The following TIMM21 variants were observed in gnomAD, a reference collection of about 807,000 sequenced individuals.
The protein encoded by TIMM21 is mitochondrial import inner membrane translocase subunit Tim21.
A neutral mutation model predicts 27.7 loss-of-function variants in TIMM21; 30 were observed. The ratio of observed to expected loss-of-function variants is 1.08; its 90% CI spans 0.81 to 1.47. The LOEUF (loss-of-function observed/expected upper bound fraction) is 1.47, where lower values mean the gene tolerates loss of function less well. TIMM21 is among the 40% of genes most tolerant of loss of function. The pLI is 0.00. For synonymous variants in TIMM21, 121 were observed against 114.4 expected, an observed-to-expected ratio of 1.06 and a Z score of -0.37; for missense variants, 292 against 302.9, an observed-to-expected ratio of 0.96 and a Z score of 0.27.
At chr18:74,157,667 C>T (rs188964613) in intron 3 of TIMM21, 131 of 191,026 alleles carry the variant, frequency 6.9e-4, no homozygotes, top group African/African-American at 2.3e-3. Flanking sequence ...ACGATCTTGG[C>T]TCACTGCAGC....
At chr18:74,155,525 A>G (rs1241582144) in intron 3 of TIMM21, 122 bp downstream of exon 3, 3 of 771,460 alleles carry the variant, frequency 3.9e-6, no homozygotes, top group Non-Finnish European at 6.3e-6. Context: ...ATAATACATA[A>G]TGGTCGAGTC....
At chr18:74,157,661 T>G in intron 3 of TIMM21, 1 of 188,728 alleles carries the variant, frequency 5.3e-6, no homozygotes, top group Admixed American at 5.5e-5. Flanking sequence ...AGTGGCACGA[T>G]CTTGGCTCAC....
chr18:74,155,022 C>A, intron 1 of TIMM21, 123 bp from the exon 2 acceptor site: 1 of 865,274 alleles, frequency 1.2e-6, no homozygotes, highest in Non-Finnish European at 1.9e-6. Context: ...TGCCCCTGAA[C>A]ACACACAGAC....
Position 74,148,807 on chromosome 18 carries a change from A to G in TIMM21, c.-2A>G. On this transcript the variant is annotated 5_prime_UTR_variant, in exon 1 of 6. Coordinates refer to ENST00000169551, the MANE Select transcript of TIMM21 (RefSeq NM_014177.3). ...CCCTAAGCGGAACGATTTTCCGTGAACATGATTTGTACTTTTCTACGAGCC... is the reference window on the plus strand; with the variant it reads ...CCCTAAGCGGAACGATTTTCCGTGAGCATGATTTGTACTTTTCTACGAGCC... The G allele has an allele frequency of 1.3e-6, 2 of 1,599,620 alleles. No homozygotes were observed. The highest frequency in any genetic ancestry group is 1.7e-6 in the Non-Finnish European group (2 of 1,168,132).
rs1980051766 is a variant in TIMM21 at position 74,159,662 on chromosome 18, A to T, written c.*1182A>T. 6.6e-6 allele frequency: 1 copy of T among 152,316 alleles called. No homozygotes were observed. The highest frequency in any genetic ancestry group is 6.5e-5 in the Admixed American group (1 of 15,294). The allele number at this position is 152,316 out of a possible 1,614,324, so 9.4% of individuals were successfully genotyped here. ...TAAAAATTTCCAACATTTAAGGAGT[A>T]TAGAAAATATAACAGACACTCGTCT... On this transcript the variant is annotated 3_prime_UTR_variant, in exon 6 of 6. Coordinates refer to ENST00000169551, the MANE Select transcript of TIMM21 (RefSeq NM_014177.3).
chr18:74,156,125 A>C (rs1979944610), intron 3 of TIMM21: 1 of 396,076 alleles, frequency 2.5e-6, no homozygotes, highest in Non-Finnish European at 4.4e-6. Flanking sequence ...CAGATTTCTT[A>C]CTCCCTGCTG....
In TIMM21 at chr18:74,158,386, G is replaced by T. The variant is rs769581821; in HGVS notation, c.653G>T (p.Ser218Ile). 53 of 1,607,896 alleles carry T rather than the reference G, an allele frequency of 3.3e-5. No individual in the cohort carries two copies. Among genetic ancestry groups the T allele is most frequent in the Non-Finnish European group, 4.3e-5 (51 of 1,176,162 alleles). Residue 218 changes from serine (S) to isoleucine (I), a missense_variant, in exon 6 of 6, where the codon AGT becomes ATT. Transcript: ENST00000169551. ...CTACATTTTTTTCAGAACCCAGGAA[G>T]TGGTGAATATGATTTTCGATATATA... Reference protein sequence around the residue: ...VYAQVKENPGSGEYDFRYIFV... With the variant: ...VYAQVKENPGIGEYDFRYIFV...
intron 3 of TIMM21, chr18:74,156,120 T>G (rs1979944445): frequency 2.5e-6 from 1 of 395,878 alleles, no homozygotes. Context: ...AGTGTCAGAT[T>G]TCTTACTCCC....
rs748016397 is a variant in TIMM21, at chr18:74,160,318, CAAAAA to C, written c.*1846_*1850del. On this transcript the variant is annotated 3_prime_UTR_variant, in exon 6 of 6. Coordinates refer to ENST00000169551, the MANE Select transcript of TIMM21 (RefSeq NM_014177.3). Reference sequence around the variant, plus strand: ...TGAGTGACGGAGTGTGACTTCGTCTCAAAAAAAAAAAACAAAAAACAGATCTGAGC... The same window carrying C: ...TGAGTGACGGAGTGTGACTTCGTCTCAAAAAAACAAAAAACAGATCTGAGC... 7.7e-6 allele frequency: 1 copy of C among 129,444 alleles called. No individual in the cohort carries two copies. The highest frequency in any genetic ancestry group is 7.6e-5 in the Admixed American group (1 of 13,092). The allele number at this position is 129,444 out of a possible 1,614,324, so 8.0% of individuals were successfully genotyped here.
chr18:74,152,642 G>A lies in TIMM21; in HGVS notation c.302-2503G>A, dbSNP rs999889007. ...CAGTACCCCCCTACCACCAGGGACA[G>A]GGTCCTCATTGCCAGCCAGTGGCCG... On this transcript the variant is annotated intron_variant, in intron 1 of 5. Transcript: ENST00000169551. This position sits in a 1 kb window ranked among gnomAD's most constrained non-coding sequence, Gnocchi z 4.1. 2.0e-5 allele frequency among the ~76,000 whole-genome samples: 3 copies of A among 152,218 alleles called. No individual in the cohort carries two copies. Among genetic ancestry groups the A allele is most frequent in the Non-Finnish European group, 4.4e-5 (3 of 68,038 alleles).
intron 1 of TIMM21, among the ~76,000 whole-genome samples, chr18:74,151,937 T>TTCC (rs1979813850): frequency 1.1e-5 from 1 of 94,276 alleles, no homozygotes; most frequent in African/African-American, 5.9e-5. Context: ...GTGTCTATGT[T>TTCC]CCCCCCCCCC....
Position 74,148,947 on chromosome 18 carries a change from T to C in TIMM21, c.139T>C (p.Tyr47His). 1.2e-6 allele frequency: 2 copies of C among 1,614,146 alleles called. No homozygotes were observed. The highest frequency in any genetic ancestry group is 1.7e-6 in the Non-Finnish European group (2 of 1,180,036). Residue 47 changes from tyrosine to histidine, a missense_variant, in exon 1 of 6, where the codon TAT (tyrosine) becomes CAT (histidine). By Grantham distance (83) the Tyr-to-His change is moderately conservative. Transcript: ENST00000169551. ...TEPSLRCGLQYQKKTLRPRCI... is the reference protein window; with the variant it reads ...TEPSLRCGLQHQKKTLRPRCI... ...GCCCAGTTTGAGATGTGGGCTTCAA[T>C]ATCAAAAGAAAACGCTGCGACCTAG... is the stretch of plus-strand genomic sequence containing the variant.
In TIMM21 at chr18:74,152,053, C is replaced by G. The variant is rs1214130123; in HGVS notation, c.301+2944C>G. ...GGGAGGTGGAGAGCCCTCCTGAGAG[C>G]AGCACGTATCTTGCTAGGCAGAAAC... On this transcript the variant is annotated intron_variant, in intron 1 of 5. Transcript: ENST00000169551. The surrounding 1 kb of genome is among the most constrained non-coding windows in gnomAD (Gnocchi z 4.1). 6.6e-6 allele frequency among the ~76,000 whole-genome samples: 1 copy of G among 151,704 alleles called. No homozygotes were observed. Among genetic ancestry groups the G allele is most frequent in the Non-Finnish European group, 1.5e-5 (1 of 68,012 alleles).
chr18:74,158,464 G>A lies in TIMM21; in HGVS notation c.731G>A (p.Arg244Gln), dbSNP rs200075891. ...AGAACTATTATCATTGAAGATAATCGATCCCAAGATGATTAAAATAGGGTT... is the reference window on the plus strand; with the variant it reads ...AGAACTATTATCATTGAAGATAATCAATCCCAAGATGATTAAAATAGGGTT... ...PRRTIIIEDN[R>Q]SQDD The change falls in exon 6 of 6, where the codon CGA becomes CAA. Residue 244 changes from arginine (R) to glutamine (Q), a missense_variant. By Grantham distance (43) the Arg-to-Gln change is conservative. Transcript: ENST00000169551. 45 of 1,593,226 alleles carry A rather than the reference G, an allele frequency of 2.8e-5. No homozygotes were observed. Among genetic ancestry groups the A allele is most frequent in the African/African-American group, 9.4e-5 (7 of 74,372 alleles).
Position 74,149,149 on chromosome 18 carries a change from A to G in TIMM21, c.301+40A>G, listed in dbSNP as rs199803541. On this transcript the variant is annotated intron_variant, in intron 1 of 5. Transcript: ENST00000169551. The stretch of plus-strand genomic sequence containing the variant: ...TTTAATGATTGGGCTTTCAACAGAC[A>G]TGACAAGAGCTGCCAATGCCCTTTT... 121 of 1,575,440 alleles carry G rather than the reference A, an allele frequency of 7.7e-5. No homozygotes were observed. The East Asian group carries it at 2.6e-3, about 34-fold the overall frequency.
intron 3 of TIMM21, chr18:74,157,013 A>G (rs1044548190): frequency 1.3e-5 from 2 of 152,228 alleles, no homozygotes; most frequent in Non-Finnish European, 2.9e-5. Flanking sequence ...TTATCCTGGA[A>G]AATGTGATAC....
Position 74,159,375 on chromosome 18 carries a change from A to G in TIMM21, c.*895A>G, listed in dbSNP as rs1242233120. 2 of 151,476 alleles carry G rather than the reference A, an allele frequency of 1.3e-5. No individual in the cohort carries two copies. Among genetic ancestry groups the G allele is most frequent in the Admixed American group, 1.3e-4 (2 of 15,204 alleles). 9.4% of individuals were successfully genotyped at this position (151,476 alleles called of 1,614,324 possible). On this transcript the variant is annotated 3_prime_UTR_variant, in exon 6 of 6. Transcript: ENST00000169551. ...TTCACTTACAAGATCCTGATTCCAT[A>G]TCTATGTAAGTGCTATGTGCATTGG...
Position 74,158,158 on chromosome 18 carries a change from G to GT in TIMM21, c.537-9dup, listed in dbSNP as rs765776082. 23 of 1,613,796 alleles carry GT rather than the reference G, an allele frequency of 1.4e-5. No individual in the cohort carries two copies. Among genetic ancestry groups the GT allele is most frequent in the Non-Finnish European group, 1.8e-5 (21 of 1,179,886 alleles). Reference sequence around the variant, plus strand: ...TGAAAGGAACTTAGACTGATCTTTCGTTTTCTCGACAGGTTCACTGAATAT... The same window carrying GT: ...TGAAAGGAACTTAGACTGATCTTTCGTTTTTCTCGACAGGTTCACTGAATAT... On this transcript the variant is annotated splice_polypyrimidine_tract_variant and intron_variant, in intron 4 of 5. Coordinates refer to ENST00000169551, the MANE Select transcript of TIMM21 (RefSeq NM_014177.3).
At position 74,160,285 on chromosome 18, in the gene TIMM21, C is replaced by T. The variant is rs988782525; in HGVS notation, c.*1805C>T. 2 of 151,090 alleles carry T rather than the reference C, an allele frequency of 1.3e-5. No individual in the cohort carries two copies. Among genetic ancestry groups the T allele is most frequent in the African/African-American group, 4.9e-5 (2 of 40,860 alleles). 9.4% of individuals were successfully genotyped at this position (151,090 alleles called of 1,614,324 possible). A position where few individuals can be genotyped will look rare whatever the true frequency, so the allele number is the denominator to read the frequency against. On this transcript the variant is annotated 3_prime_UTR_variant, in exon 6 of 6. Transcript: ENST00000169551. ...AGTGAGCCAAGATCATGTCACTGCACTCCAGCATGAGTGACGGAGTGTGAC... is the reference window on the plus strand; with the variant it reads ...AGTGAGCCAAGATCATGTCACTGCATTCCAGCATGAGTGACGGAGTGTGAC...
Sources: allele counts gnomAD v4.1 joint callset (sites outside exome capture counted in the v4.1 genomes callset), GRCh38; gene constraint gnomAD v4.1.1; non-coding constraint Gnocchi (gnomAD v3.1); transcripts MANE v1.5; gene names NCBI Gene and HGNC (gene_info 2026-07-23, HGNC 2026-07-21).